The following CADM2 variants were observed in gnomAD, a reference collection of about 807,000 sequenced individuals.
The protein encoded by CADM2 is immunoglobulin superfamily member 4D.
In CADM2, 12 loss-of-function variants were observed where a neutral mutation model predicts 49.8. The observed-to-expected ratio is 0.24, with a 90% confidence interval of 0.15 to 0.39. The LOEUF (loss-of-function observed/expected upper bound fraction) is 0.39. CADM2 is among the 10% of genes least tolerant of loss of function. The pLI is 1.00. For missense variants in CADM2, 378 were observed against 492.3 expected (o/e 0.77, Z 2.20); for synonymous variants, 214 against 175.4 (o/e 1.22, Z -1.74).
At chr3:85,441,992 A>G (rs1463547494) in intron 1 of CADM2, among the ~76,000 whole-genome samples, 1 of 152,136 alleles carries the variant, frequency 6.6e-6, no homozygotes, top group Non-Finnish European at 1.5e-5. Context: ...TAAGTCTAAT[A>G]TCATATTATT....
chr3:85,813,550 C>A (rs1266658443), intron 3 of CADM2, among the ~76,000 whole-genome samples: 1 of 152,026 alleles, frequency 6.6e-6, no homozygotes, highest in African/African-American at 2.4e-5. Context: ...TAATTAGATC[C>A]CCTTTGTCAA....
intron 1 of CADM2, among the ~76,000 whole-genome samples, chr3:85,342,458 T>C (rs2029974475): frequency 6.6e-6 from 1 of 152,074 alleles, no homozygotes; most frequent in African/African-American, 2.4e-5. Context: ...TATTTAATAA[T>C]AATTTATTAA....
At chr3:85,470,361 GA>G (rs939280219) in intron 1 of CADM2, among the ~76,000 whole-genome samples, 6 of 152,162 alleles carry the variant, frequency 3.9e-5, no homozygotes, top group African/African-American at 1.2e-4. Context: ...AGGATGTTGG[GA>G]TAGCTTTCAA....
intron 8 of CADM2, chr3:85,994,354 G>A (rs935109342): frequency 6.6e-6 from 1 of 152,128 alleles, no homozygotes; most frequent in East Asian, 1.9e-4. Context: ...TTAGGGCCTT[G>A]GTCTGGATTA....
intron 1 of CADM2, among the ~76,000 whole-genome samples, chr3:85,031,783 G>A (rs1300641676): frequency 6.6e-6 from 1 of 151,676 alleles, no homozygotes; most frequent in Non-Finnish European, 1.5e-5. Flanking sequence ...GCCTCCCAGA[G>A]TGCCGGGATT....
intron 1 of CADM2, among the ~76,000 whole-genome samples, chr3:85,430,661 G>A (rs893019864): frequency 7.0e-6 from 1 of 143,092 alleles, no homozygotes; most frequent in Non-Finnish European, 1.5e-5. Flanking sequence ...AACAGAAAGA[G>A]AAAGAGGAGA....
chr3:85,345,798 C>T (rs1167157355), intron 1 of CADM2, among the ~76,000 whole-genome samples: 2 of 152,044 alleles, frequency 1.3e-5, no homozygotes, highest in African/African-American at 4.8e-5. Flanking sequence ...ATGTCAATAT[C>T]CTGATTTTGA....
chr3:85,212,120 C>T (rs1311720798), intron 1 of CADM2, among the ~76,000 whole-genome samples: 1 of 152,016 alleles, frequency 6.6e-6, no homozygotes, highest in African/African-American at 2.4e-5. Flanking sequence ...TGGTTTCCAT[C>T]TACATGGAAA....
chr3:85,992,055 TCTTA>T (rs1156488233), intron 8 of CADM2: 2 of 151,834 alleles, frequency 1.3e-5, no homozygotes, highest in Non-Finnish European at 2.9e-5. Context: ...AGTTTTCGCT[TCTTA>T]CTTAGTGTAT....
intron 1 of CADM2, among the ~76,000 whole-genome samples, chr3:85,261,887 A>C (rs1002593507): frequency 2.6e-5 from 4 of 152,122 alleles, no homozygotes; most frequent in Admixed American, 2.6e-4. Flanking sequence ...CTGTATTTCC[A>C]CGTTCTTATT....
At chr3:86,016,782 C>T (rs1399942877) in intron 8 of CADM2, among the ~76,000 whole-genome samples, 2 of 152,052 alleles carry the variant, frequency 1.3e-5, no homozygotes, top group Non-Finnish European at 2.9e-5. Flanking sequence ...TAATATGTCG[C>T]TGCTATATAA....
chr3:85,034,873 G>A (rs574059742), intron 1 of CADM2, among the ~76,000 whole-genome samples: 2 of 145,568 alleles, frequency 1.4e-5, no homozygotes, highest in South Asian at 4.3e-4. Flanking sequence ...CACGATTTTG[G>A]CTCACTGCAA....
intron 5 of CADM2, among the ~76,000 whole-genome samples, chr3:85,908,056 C>T (rs1717039115): frequency 6.6e-6 from 1 of 152,106 alleles, no homozygotes; most frequent in African/African-American, 2.4e-5. Context: ...AAGGCAACTT[C>T]TCTAGGAACT....
intron 1 of CADM2, among the ~76,000 whole-genome samples, chr3:85,020,468 T>A (rs1246775016): frequency 1.3e-5 from 2 of 152,168 alleles, no homozygotes; most frequent in Non-Finnish European, 2.9e-5. Context: ...AAAAATGGTG[T>A]TATGAATAAA....
At chr3:85,259,884 G>A (rs535637053) in intron 1 of CADM2, among the ~76,000 whole-genome samples, 2 of 152,112 alleles carry the variant, frequency 1.3e-5, no homozygotes, top group East Asian at 1.9e-4. Flanking sequence ...TGAGAACTTG[G>A]CTCATTCCAA....
At chr3:85,365,934 G>T (rs2032750579) in intron 1 of CADM2, among the ~76,000 whole-genome samples, 1 of 152,166 alleles carries the variant, frequency 6.6e-6, no homozygotes, top group Admixed American at 6.5e-5. Flanking sequence ...TTGTCCTGGG[G>T]CTGCCATAGC....
At chr3:85,727,499 A>G (rs1285571284) in intron 2 of CADM2, among the ~76,000 whole-genome samples, 1 of 152,150 alleles carries the variant, frequency 6.6e-6, no homozygotes, top group Non-Finnish European at 1.5e-5. Context: ...TTCCTGTTCC[A>G]GTAAGTGTTG....
At chr3:85,635,027 A>C (rs898890339) in intron 1 of CADM2, among the ~76,000 whole-genome samples, 1 of 152,100 alleles carries the variant, frequency 6.6e-6, no homozygotes, top group African/African-American at 2.4e-5. Flanking sequence ...AAATTATTTG[A>C]TCCATGAGAA....
At chr3:85,541,036 T>C (rs550236522) in intron 1 of CADM2, among the ~76,000 whole-genome samples, 5 of 152,138 alleles carry the variant, frequency 3.3e-5, no homozygotes, top group African/African-American at 1.2e-4. Context: ...AGGTTATGGC[T>C]TCAATATGTA....
Sources: allele counts gnomAD v4.1 joint callset (sites outside exome capture counted in the v4.1 genomes callset), GRCh38; gene constraint gnomAD v4.1.1; transcripts MANE v1.5; gene names NCBI Gene and HGNC (gene_info 2026-07-23, HGNC 2026-07-21).